Variants in SV2B observed in about 807,000 individuals in gnomAD.
The protein encoded by SV2B is synaptic vesicle glycoprotein 2B.
SV2B carries 41 observed loss-of-function variants against 73.9 expected under a neutral mutation model. The observed-to-expected ratio is 0.56, with a 90% CI of 0.43 to 0.72. The LOEUF is 0.72. SV2B is among the 30% of genes least tolerant of loss of function. The pLI is 0.00. For synonymous variants in SV2B, 314 were observed against 314.2 expected, an observed-to-expected ratio of 1.00 and a Z score of 0.01; for missense variants, 764 against 857.8, an observed-to-expected ratio of 0.89 and a Z score of 1.37.
In SV2B at chr15:91,242,432, T is replaced by A. The variant is rs998588265; in HGVS notation, c.452-9387T>A. Among the ~76,000 whole-genome samples the A allele has an allele frequency of 2.1e-4, 32 of 152,352 alleles. No homozygotes were observed. Among genetic ancestry groups the A allele is most frequent in the South Asian group, 4.1e-4 (2 of 4,830 alleles). The stretch of plus-strand genomic sequence containing the variant: ...ACCAACCTGGCCCAAGTCATCAGCG[T>A]CATTCACTTGAAATACATGTGGTGG... On this transcript the variant is annotated intron_variant, in intron 2 of 12. Coordinates refer to ENST00000394232, the MANE Select transcript of SV2B (RefSeq NM_001323032.3). The surrounding 1 kb of genome is among the most constrained non-coding windows in gnomAD (Gnocchi z 4.9).
In SV2B at chr15:91,225,960, C is replaced by A; in HGVS notation, c.-304C>A. ...CCCTGTCAAGAAAAACAGCTGGATC[C>A]ATTTCTAATCAACACTTCCCAACGC... On this transcript the variant is annotated 5_prime_UTR_variant, in exon 2 of 13. Coordinates refer to ENST00000394232, the MANE Select transcript of SV2B (RefSeq NM_001323032.3). 2 of 386,542 alleles carry A rather than the reference C, an allele frequency of 5.2e-6. No individual in the cohort carries two copies. Among genetic ancestry groups the A allele is most frequent in the South Asian group, 2.9e-5 (1 of 34,900 alleles). The allele number at this position is 386,542 out of a possible 1,614,324, so 23.9% of individuals were successfully genotyped here.
intron 1 of SV2B, among the ~76,000 whole-genome samples, chr15:91,183,683 C>G (rs376708739): frequency 2.8e-4 from 43 of 152,260 alleles, no homozygotes; most frequent in African/African-American, 9.9e-4. Context: ...TGTATTTGCC[C>G]AGGCATTCAT....
At chr15:91,156,057 A>G (rs1267607740) in intron 1 of SV2B, among the ~76,000 whole-genome samples, 2 of 152,084 alleles carry the variant, frequency 1.3e-5, no homozygotes, top group East Asian at 3.9e-4. Context: ...AAGAAGGTCA[A>G]GCAGAAACAA....
chr15:91,251,977 T>A lies in SV2B; in HGVS notation c.610T>A (p.Cys204Ser). 6.2e-7 allele frequency: 1 copy of A among 1,614,116 alleles called. No individual in the cohort carries two copies. The highest frequency in any genetic ancestry group is 8.5e-7 in the Non-Finnish European group (1 of 1,180,002). Residue 204 changes from cysteine (C) to serine (S), a missense_variant, in exon 3 of 13, where the codon TGC (cysteine) becomes AGC (serine). Coordinates refer to ENST00000394232, the MANE Select transcript of SV2B (RefSeq NM_001323032.3). Reference protein sequence around the residue: ...FVQGYGAFLFCRLISGIGIGG... With the variant: ...FVQGYGAFLFSRLISGIGIGG... ...GCAGGGATATGGAGCCTTCCTCTTC[T>A]GCCGACTCATCTCAGGCATCGGGTA...
chr15:91,263,395 CAG>C (rs2047990180), intron 6 of SV2B, among the ~76,000 whole-genome samples: 1 of 151,790 alleles, frequency 6.6e-6, no homozygotes, highest in Non-Finnish European at 1.5e-5. Context: ...CAGAGACACA[CAG>C]ACACAGGAAC....
intron 1 of SV2B, among the ~76,000 whole-genome samples, chr15:91,160,115 C>T (rs1310832469): frequency 6.6e-6 from 1 of 152,110 alleles, no homozygotes; most frequent in Non-Finnish European, 1.5e-5. Context: ...GGAAGATTAA[C>T]ATCATAAATA....
chr15:91,151,205 T>C (rs2043304840), intron 1 of SV2B, among the ~76,000 whole-genome samples: 1 of 152,206 alleles, frequency 6.6e-6, no homozygotes, highest in South Asian at 2.1e-4. Flanking sequence ...AAACTCCCCA[T>C]TGAAACAAAA....
chr15:91,218,225 C>T (rs2046099917), intron 1 of SV2B, among the ~76,000 whole-genome samples: 1 of 152,166 alleles, frequency 6.6e-6, no homozygotes, highest in South Asian at 2.1e-4. Context: ...GGCATGGTCT[C>T]ATGAGAATGA....
At chr15:91,230,725 A>G (rs1232785889) in intron 2 of SV2B, among the ~76,000 whole-genome samples, 1 of 152,206 alleles carries the variant, frequency 6.6e-6, no homozygotes, top group East Asian at 1.9e-4. Context: ...GAACATTACC[A>G]CACGCCTGGT....
intron 1 of SV2B, among the ~76,000 whole-genome samples, chr15:91,116,338 G>T (rs566752019): frequency 2.6e-5 from 4 of 152,260 alleles, no homozygotes; most frequent in African/African-American, 9.6e-5. Context: ...TTGCTGTTGT[G>T]TGTTGGTGTT....
At position 91,188,059 on chromosome 15, in the gene SV2B, C is replaced by T. The variant is rs117874501; in HGVS notation, c.-391-37814C>T. 1.6e-3 allele frequency among the ~76,000 whole-genome samples: 238 copies of T among 151,968 alleles called. 5 individuals are homozygous for T. The East Asian group carries it at 0.04, about 26-fold the overall frequency. ...ATTGTATTGACTATACATTATTTTTCATTTAATTATTTTTCTTTTATTTTA... is the reference window on the plus strand; with the variant it reads ...ATTGTATTGACTATACATTATTTTTTATTTAATTATTTTTCTTTTATTTTA... On this transcript the variant is annotated intron_variant, in intron 1 of 12. Coordinates refer to ENST00000394232, the MANE Select transcript of SV2B (RefSeq NM_001323032.3).
chr15:91,272,919 G>A (rs1422524208), intron 9 of SV2B, among the ~76,000 whole-genome samples: 1 of 135,772 alleles, frequency 7.4e-6, no homozygotes, highest in South Asian at 2.5e-4. Context: ...TACAGTCTCC[G>A]CCTCCCAGGT....
At chr15:91,182,717 C>T (rs1357274887) in intron 1 of SV2B, among the ~76,000 whole-genome samples, 3 of 152,212 alleles carry the variant, frequency 2.0e-5, no homozygotes, top group African/African-American at 7.2e-5. Flanking sequence ...AAGTCAGCAG[C>T]ACCTCTTTGA....
chr15:91,182,049 G>A (rs914932247), intron 1 of SV2B, among the ~76,000 whole-genome samples: 11 of 152,138 alleles, frequency 7.2e-5, no homozygotes, highest in African/African-American at 2.7e-4. Context: ...ATTTCTAGGT[G>A]TAAGATTGTA....
chr15:91,257,074 CT>C (rs2047723393), intron 4 of SV2B, among the ~76,000 whole-genome samples: 1 of 152,262 alleles, frequency 6.6e-6, no homozygotes, highest in East Asian at 1.9e-4. Context: ...TTCAGAAATA[CT>C]TTATGGCATG....
chr15:91,174,595 C>T (rs1174372489), intron 1 of SV2B, among the ~76,000 whole-genome samples: 1 of 152,202 alleles, frequency 6.6e-6, no homozygotes, highest in Non-Finnish European at 1.5e-5. Flanking sequence ...AGGTGGGATC[C>T]AGCATGCAGG....
intron 1 of SV2B, among the ~76,000 whole-genome samples, chr15:91,168,490 CA>C (rs1370742809): frequency 6.6e-6 from 1 of 151,980 alleles, no homozygotes; most frequent in Non-Finnish European, 1.5e-5. Context: ...ACAAGGCCAG[CA>C]GAGGAAAAAG....
In SV2B at chr15:91,267,518, G is replaced by T. The variant is rs1314856694; in HGVS notation, c.1120-37G>T. ...CGTGGGAGAAACAAAGTCACACATT[G>T]CTTTCTTTAACAATCCTTCTCTGGT... On this transcript the variant is annotated intron_variant, in intron 7 of 12. Coordinates refer to ENST00000394232, the MANE Select transcript of SV2B (RefSeq NM_001323032.3). This position sits in a 1 kb window ranked among gnomAD's most constrained non-coding sequence, Gnocchi z 4.3. The T allele has an allele frequency of 6.4e-7, 1 of 1,554,608 alleles. No homozygotes were observed. Among genetic ancestry groups the T allele is most frequent in the Admixed American group, 1.7e-5 (1 of 59,220 alleles).
intron 1 of SV2B, among the ~76,000 whole-genome samples, chr15:91,166,476 A>G (rs2043915107): frequency 6.6e-6 from 1 of 151,930 alleles, no homozygotes; most frequent in Non-Finnish European, 1.5e-5. Context: ...GAATATGTAA[A>G]TTTATGTCCT....
Sources: allele counts gnomAD v4.1 joint callset (sites outside exome capture counted in the v4.1 genomes callset), GRCh38; gene constraint gnomAD v4.1.1; non-coding constraint Gnocchi (gnomAD v3.1); transcripts MANE v1.5; gene names NCBI Gene and HGNC (gene_info 2026-07-23, HGNC 2026-07-21).